HTR4: variants seen among roughly 807,000 people sequenced by gnomAD.
HTR4 encodes the protein 5-hydroxytryptamine receptor 4.
In HTR4, 16 loss-of-function variants were observed where a neutral mutation model predicts 36.8. The ratio of observed to expected loss-of-function variants is 0.43; its 90% CI spans 0.29 to 0.66. HTR4 has a LOEUF of 0.66. Among genes scored for constraint, HTR4 ranks in the 30% least tolerant of loss-of-function variants. The probability of loss-of-function intolerance (pLI) is 0.13; values close to 1 mark genes in which losing one functional copy is unlikely to be tolerated. For missense variants in HTR4, 438 were observed against 490.9 expected (o/e 0.89, Z 1.02); for synonymous variants, 189 against 185.1 (o/e 1.02, Z -0.17).
Position 148,636,980 on chromosome 5 carries a change from G to A in HTR4, c.26+9C>T. On this transcript the variant is annotated intron_variant, in intron 2 of 6. Transcript: ENST00000377888. ...TTTACAACACAATATGTACAGAAAG[G>A]TAACATACCTCACATTAGCATCAAG... 6.4e-7 allele frequency: 1 copy of A among 1,561,576 alleles called. No homozygotes were observed.
chr5:148,609,235 A>G (rs1303789189), intron 2 of HTR4, among the ~76,000 whole-genome samples: 1 of 152,200 alleles, frequency 6.6e-6, no homozygotes, highest in Non-Finnish European at 1.5e-5. Flanking sequence ...AGAGGACCCA[A>G]TTGAATATTA....
intron 4 of HTR4, among the ~76,000 whole-genome samples, chr5:148,530,630 T>C (rs952804071): frequency 1.4e-5 from 2 of 146,414 alleles, no homozygotes; most frequent in African/African-American, 5.1e-5. Flanking sequence ...AAAAGTGGGG[T>C]TGGAGCCCCT....
intron 1 of HTR4, among the ~76,000 whole-genome samples, chr5:148,643,185 A>T (rs10042076): frequency 0.029 from 4,452 of 152,242 alleles, 219 homozygotes; most frequent in African/African-American, 0.1. Context: ...TAACTTTTTT[A>T]AAAGTAAATA....
intron 2 of HTR4, among the ~76,000 whole-genome samples, chr5:148,597,146 T>C (rs1049205575): frequency 6.6e-6 from 1 of 152,206 alleles, no homozygotes; most frequent in African/African-American, 2.4e-5. Flanking sequence ...ATCCTCTGCA[T>C]AGCCAGAGCA....
chr5:148,499,644 C>T (rs1756844343), intron 6 of HTR4, among the ~76,000 whole-genome samples: 1 of 152,138 alleles, frequency 6.6e-6, no homozygotes, highest in Admixed American at 6.6e-5. Flanking sequence ...ATAGGGATGA[C>T]TCAGAAAACT....
At chr5:148,522,202 T>C (rs1441146448) in intron 5 of HTR4, among the ~76,000 whole-genome samples, 3 of 152,208 alleles carry the variant, frequency 2.0e-5, no homozygotes, top group African/African-American at 7.2e-5. Flanking sequence ...TGTGGAACTG[T>C]GAGTCCATTA....
intron 5 of HTR4, among the ~76,000 whole-genome samples, chr5:148,522,655 G>T (rs971747754): frequency 6.6e-6 from 1 of 152,206 alleles, no homozygotes; most frequent in African/African-American, 2.4e-5. Flanking sequence ...CTGTGATGGG[G>T]TTTTGTAGTA....
chr5:148,475,322 AT>A (rs1161609722), downstream of HTR4, among the ~76,000 whole-genome samples: 1 of 152,038 alleles, frequency 6.6e-6, no homozygotes, highest in Non-Finnish European at 1.5e-5. Context: ...TCCAGTCAAA[AT>A]TTTTTTACGA....
intron 2 of HTR4, among the ~76,000 whole-genome samples, chr5:148,575,772 C>T (rs34138763): frequency 4.0e-5 from 6 of 151,756 alleles, no homozygotes; most frequent in South Asian, 4.2e-4. Flanking sequence ...TGATACATTT[C>T]GCACATATAA....
chr5:148,462,994 A>G (rs892139139), intron 5 of HTR4, among the ~76,000 whole-genome samples: 1 of 152,062 alleles, frequency 6.6e-6, no homozygotes, highest in African/African-American at 2.4e-5. Context: ...GTAAACTAAG[A>G]CTAGAGGAGA....
At chr5:148,490,987 C>T (rs759418712) in intron 6 of HTR4, 9 of 358,662 alleles carry the variant, frequency 2.5e-5, no homozygotes, top group East Asian at 7.9e-5. Flanking sequence ...GAACATACTC[C>T]GGCTTGTCAA....
intron 2 of HTR4, among the ~76,000 whole-genome samples, chr5:148,632,299 C>T (rs182398100): frequency 9.1e-4 from 138 of 152,188 alleles, no homozygotes; most frequent in Non-Finnish European, 1.4e-3. Flanking sequence ...TAGCAAAGGG[C>T]GGAAAATGCT....
intron 5 of HTR4, among the ~76,000 whole-genome samples, chr5:148,464,067 A>G (rs1030751765): frequency 1.3e-5 from 2 of 151,238 alleles, no homozygotes; most frequent in African/African-American, 2.4e-5. Context: ...CTAGACACAG[A>G]CCTTATATCT....
downstream of HTR4, chr5:148,476,726 G>A (rs759397266): frequency 6.2e-7 from 1 of 1,613,336 alleles, no homozygotes; most frequent in African/African-American, 1.3e-5. Flanking sequence ...ATTGGCCACA[G>A]TCCTCAAGGA....
downstream of HTR4, among the ~76,000 whole-genome samples, chr5:148,472,945 G>C (rs1755606394): frequency 2.0e-5 from 3 of 152,078 alleles, no homozygotes. Context: ...ATTTATTGTT[G>C]TGTGTGTATG....
At chr5:148,575,091 T>C (rs1760840777) in intron 2 of HTR4, among the ~76,000 whole-genome samples, 1 of 152,008 alleles carries the variant, frequency 6.6e-6, no homozygotes, top group Non-Finnish European at 1.5e-5. Flanking sequence ...TGGGTACATC[T>C]CCTTTTTACT....
chr5:148,616,720 C>A (rs1752704757), intron 2 of HTR4, among the ~76,000 whole-genome samples: 1 of 152,076 alleles, frequency 6.6e-6, no homozygotes, highest in Non-Finnish European at 1.5e-5. Flanking sequence ...AATGTAAATA[C>A]CTTGGTGCAT....
intron 5 of HTR4, among the ~76,000 whole-genome samples, chr5:148,459,974 T>A (rs10075211): frequency 3.3e-5 from 5 of 151,820 alleles, no homozygotes; most frequent in African/African-American, 9.7e-5. Flanking sequence ...AGTAGAAATG[T>A]TAAAGGTCAA....
intron 2 of HTR4, among the ~76,000 whole-genome samples, chr5:148,596,660 C>T (rs1761789222): frequency 6.6e-6 from 1 of 151,448 alleles, no homozygotes; most frequent in Non-Finnish European, 1.5e-5. Context: ...CTAGACATTG[C>T]CAAATGTCCC....
Sources: gnomAD v4.1 joint callset for allele counts (sites outside exome capture counted in the v4.1 genomes callset) on GRCh38, gnomAD v4.1.1 for gene constraint, MANE v1.5 for transcripts, NCBI Gene and HGNC (gene_info 2026-07-23, HGNC 2026-07-21) for gene names.